The following CEACAM21 variants were observed in gnomAD, a reference collection of about 807,000 sequenced individuals.
CEACAM21 encodes the protein CEA cell adhesion molecule 21.
Under a neutral mutation model 33.2 loss-of-function variants are expected in CEACAM21, and 38 were observed. The ratio of observed to expected loss-of-function variants is 1.14; its 90% CI spans 0.88 to 1.50. CEACAM21 has a LOEUF of 1.50. Among genes scored for constraint, CEACAM21 ranks in the 40% most tolerant of loss-of-function variants. The pLI is 0.00. For synonymous variants in CEACAM21, 156 were observed against 143.0 expected, an observed-to-expected ratio of 1.09 and a Z score of -0.65; for missense variants, 385 against 364.6, an observed-to-expected ratio of 1.06 and a Z score of -0.46.
chr19:41,579,615 G>C lies in CEACAM21; in HGVS notation c.687G>C (p.Lys229Asn). 6.4e-7 allele frequency: 1 copy of C among 1,559,016 alleles called. No homozygotes were observed. Among genetic ancestry groups the C allele is most frequent in the Non-Finnish European group, 8.7e-7 (1 of 1,150,286 alleles). The change falls in exon 3 of 7, where the codon AAG becomes AAC. Residue 229 changes from lysine to asparagine, a missense_variant. Coordinates refer to ENST00000401445, the MANE Select transcript of CEACAM21 (RefSeq NM_001098506.4). The stretch of plus-strand genomic sequence containing the variant: ...GCTCCAACAGGAGCGACCCCCTCAA[G>C]CTGACTGTAAAATGTGAGTGACCCT... Reference protein sequence around the residue: ...PVSSNRSDPLKLTVKSDDNTL... With the variant: ...PVSSNRSDPLNLTVKSDDNTL...
chr19:41,571,491 T>C (rs914911144), upstream of CEACAM21, among the ~76,000 whole-genome samples: 3 of 152,000 alleles, frequency 2.0e-5, no homozygotes, highest in Non-Finnish European at 4.4e-5. Flanking sequence ...AAGAAGAAAA[T>C]GCATGACCCC....
chr19:41,562,280 A>T (rs1439965031), intron 1 of CEACAM21, among the ~76,000 whole-genome samples: 2 of 151,974 alleles, frequency 1.3e-5, no homozygotes, highest in Non-Finnish European at 2.9e-5. Context: ...GAAAGAAAGA[A>T]AAAACACTAT....
At chr19:41,577,708 G>A in intron 2 of CEACAM21, 149 bp downstream of exon 2, 1 of 1,139,856 alleles carries the variant, frequency 8.8e-7, no homozygotes, top group Non-Finnish European at 1.3e-6. Context: ...ACCCAGGGGA[G>A]ACAAACTATA....
At chr19:41,577,660 C>T (rs1015437347) in intron 2 of CEACAM21, 101 bp downstream of exon 2, 13 of 1,541,418 alleles carry the variant, frequency 8.4e-6, no homozygotes, top group South Asian at 5.8e-5. Context: ...CTCTGCATTA[C>T]GTCCCATGTT....
In CEACAM21 at chr19:41,586,749, C is replaced by A; in HGVS notation, c.*286C>A. Reference sequence around the variant, plus strand: ...GGGCCAAGGCGAAGGCTTCCCATCACCACAGGAAGTGGGGGCTTGCAGGGA... The same window carrying A: ...GGGCCAAGGCGAAGGCTTCCCATCAACACAGGAAGTGGGGGCTTGCAGGGA... On this transcript the variant is annotated 3_prime_UTR_variant, in exon 7 of 7. Transcript: ENST00000401445. The A allele has an allele frequency of 2.8e-6, 1 of 362,498 alleles. No homozygotes were observed. Among genetic ancestry groups the A allele is most frequent in the Non-Finnish European group, 5.3e-6 (1 of 187,654 alleles). The allele number at this position is 362,498 out of a possible 1,614,324, so 22.5% of individuals were successfully genotyped here.
chr19:41,552,866 T>A (rs1476897097), intron 1 of CEACAM21, among the ~76,000 whole-genome samples: 5 of 152,172 alleles, frequency 3.3e-5, no homozygotes, highest in African/African-American at 1.2e-4. Flanking sequence ...GTTTCGGTTG[T>A]CTAGTCTTCA....
chr19:41,552,924 A>G (rs1219515084), intron 1 of CEACAM21, among the ~76,000 whole-genome samples: 2 of 152,228 alleles, frequency 1.3e-5, no homozygotes, highest in African/African-American at 2.4e-5. Context: ...GTGATTTCCA[A>G]TTAAGAAAAA....
chr19:41,579,680 G>A (rs2043226962), intron 3 of CEACAM21, 52 bp downstream of exon 3: 2 of 1,238,912 alleles, frequency 1.6e-6, no homozygotes, highest in African/African-American at 1.5e-5. Context: ...TTTCCTAGGA[G>A]GGAGGGGGGG....
At chr19:41,572,777 AC>A (rs1430965992), upstream of CEACAM21, among the ~76,000 whole-genome samples, 4 of 152,070 alleles carry the variant, frequency 2.6e-5, no homozygotes, top group African/African-American at 9.7e-5. Context: ...CCCAACTGAA[AC>A]CAGCAAATTC....
At chr19:41,549,737 G>A (rs1361135401) in intron 1 of CEACAM21, among the ~76,000 whole-genome samples, 3 of 152,036 alleles carry the variant, frequency 2.0e-5, no homozygotes, top group Admixed American at 2.0e-4. Context: ...TGCCCTGGCT[G>A]GAGTACAGTG....
chr19:41,552,626 A>AT (rs1178398397), intron 1 of CEACAM21, among the ~76,000 whole-genome samples: 2 of 152,104 alleles, frequency 1.3e-5, no homozygotes, highest in Non-Finnish European at 2.9e-5. Flanking sequence ...ATGCTTGTAT[A>AT]TTTATTTATC....
intron 3 of CEACAM21, among the ~76,000 whole-genome samples, chr19:41,581,671 G>A (rs1215832595): frequency 3.3e-5 from 5 of 152,136 alleles, no homozygotes; most frequent in South Asian, 2.1e-4. Context: ...CTTACATGGC[G>A]GCAGGCAAGA....
upstream of CEACAM21, among the ~76,000 whole-genome samples, chr19:41,571,684 C>G (rs2042622875): frequency 6.6e-6 from 1 of 152,178 alleles, no homozygotes. Context: ...ATCTACTCTC[C>G]CCCAAAATGA....
intron 2 of CEACAM21, among the ~76,000 whole-genome samples, chr19:41,578,749 C>T (rs1407822499): frequency 2.6e-5 from 4 of 152,210 alleles, no homozygotes; most frequent in Non-Finnish European, 4.4e-5. Flanking sequence ...ATCAGATCCA[C>T]ATTCCTTCCC....
rs376809290 is a variant in CEACAM21, at chr19:41,577,290, A to T, written c.155A>T (p.His52Leu). 1 of 1,613,910 alleles carries T rather than the reference A, an allele frequency of 6.2e-7. No homozygotes were observed. Among genetic ancestry groups the T allele is most frequent in the Non-Finnish European group, 8.5e-7 (1 of 1,179,976 alleles). ...PFEVAEGENVHLSVVYLPENL... is the reference protein window; with the variant it reads ...PFEVAEGENVLLSVVYLPENL... The stretch of plus-strand genomic sequence containing the variant: ...GAAGTTGCTGAAGGGGAGAATGTTC[A>T]TCTCTCTGTGGTTTATCTGCCCGAG... The change falls in exon 2 of 7, where the codon CAT becomes CTT. Residue 52 changes from histidine to leucine, a missense_variant. By Grantham distance (99) the His-to-Leu change is moderately conservative. Transcript: ENST00000401445.
intron 1 of CEACAM21, among the ~76,000 whole-genome samples, chr19:41,556,010 G>T (rs1555785510): frequency 1.3e-5 from 2 of 152,198 alleles, no homozygotes; most frequent in South Asian, 4.1e-4. Flanking sequence ...AAATAAAAGA[G>T]AGCAGAGCTG....
intron 1 of CEACAM21, chr19:41,549,558 A>T (rs1434683489): frequency 6.6e-6 from 1 of 152,134 alleles, no homozygotes; most frequent in Non-Finnish European, 1.5e-5. Context: ...CACAGGTATT[A>T]GCTTTTCTCT....
chr19:41,576,209 T>C lies in CEACAM21; in HGVS notation c.-66T>C. 6.3e-7 allele frequency: 1 copy of C among 1,581,278 alleles called. No homozygotes were observed. The highest frequency in any genetic ancestry group is 8.7e-7 in the Non-Finnish European group (1 of 1,150,992). On this transcript the variant is annotated 5_prime_UTR_variant, in exon 1 of 7. Transcript: ENST00000401445. ...GCAGAGACAACAGTCACAGTAACCC[T>C]GTCTAGAGCGTTCCTGGAGCCCAAG...
At chr19:41,560,109 TAC>T (rs1293026745) in intron 1 of CEACAM21, among the ~76,000 whole-genome samples, 2 of 152,264 alleles carry the variant, frequency 1.3e-5, no homozygotes, top group African/African-American at 2.4e-5. Context: ...CAGATTATTT[TAC>T]AGAGTTCTCC....
Sources: gnomAD v4.1 joint callset for allele counts (sites outside exome capture counted in the v4.1 genomes callset) on GRCh38, gnomAD v4.1.1 for gene constraint, MANE v1.5 for transcripts, NCBI Gene and HGNC (gene_info 2026-07-23, HGNC 2026-07-21) for gene names.